SIK2: variants seen among roughly 807,000 people sequenced by gnomAD.
The protein encoded by SIK2 is salt inducible kinase 2.
A neutral mutation model predicts 103.2 loss-of-function variants in SIK2; 29 were observed. That is an observed-to-expected ratio of 0.28 (90% CI 0.21 to 0.38). SIK2 has a LOEUF of 0.38. Among genes scored for constraint, SIK2 ranks in the 10% least tolerant of loss-of-function variants. The pLI, the probability that SIK2 is intolerant of heterozygous loss-of-function variation, is 1.00. For synonymous variants in SIK2, 412 were observed against 446.1 expected, an observed-to-expected ratio of 0.92 and a Z score of 0.96; for missense variants, 879 against 1,171.0, an observed-to-expected ratio of 0.75 and a Z score of 3.64.
At chr11:111,637,235 T>C (rs2135853081) in intron 3 of SIK2, among the ~76,000 whole-genome samples, 1 of 152,178 alleles carries the variant, frequency 6.6e-6, no homozygotes, top group African/African-American at 2.4e-5. Flanking sequence ...CATTTTAATA[T>C]CTATGAGTTT....
chr11:111,672,968 T>A (rs913892981), intron 3 of SIK2, among the ~76,000 whole-genome samples: 11 of 152,250 alleles, frequency 7.2e-5, no homozygotes, highest in African/African-American at 2.7e-4. Context: ...GCATCAGCAT[T>A]ACATGGAGTG....
chr11:111,721,967 C>T, intron 13 of SIK2, 27 bp downstream of exon 13: 1 of 1,491,254 alleles, frequency 6.7e-7, no homozygotes, highest in South Asian at 1.3e-5. Context: ...GCGAGTCCAC[C>T]TCACTCTGCT....
In SIK2 at chr11:111,701,004, C is replaced by T. The variant is rs771891490; in HGVS notation, c.597C>T (p.Asp199=). 5 of 1,613,808 alleles carry T rather than the reference C, an allele frequency of 3.1e-6. No individual in the cohort carries two copies. The highest frequency in any genetic ancestry group is 4.2e-6 in the Non-Finnish European group (5 of 1,179,786). The part of the protein sequence containing the change: ...EGQQYEGPQL[D]IWSMGVVLYV... ...AGCAGTATGAAGGACCACAGCTGGA[C>T]ATCTGGGTACTGCTTTGCTTTGCTG... Residue 199 remains aspartate, a synonymous_variant, in exon 5 of 15, where the codon GAC becomes GAT. Coordinates refer to ENST00000304987, the MANE Select transcript of SIK2 (RefSeq NM_015191.3). This position sits in a 1 kb window ranked among gnomAD's most constrained non-coding sequence, Gnocchi z 4.2.
rs1010074459 is a variant in SIK2, at chr11:111,672,202, C to T, written c.317-15799C>T. 7.5e-6 allele frequency: 3 copies of T among 399,466 alleles called. No homozygotes were observed. The East Asian group carries it at 1.9e-4, about 25-fold the overall frequency. 24.7% of individuals were successfully genotyped at this position (399,466 alleles called of 1,614,324 possible). Reference sequence around the variant, plus strand: ...GTTTACCATAATGGCTGTGATGCCCCCCCATACCACTGGCCTCAGCATAGC... The same window carrying T: ...GTTTACCATAATGGCTGTGATGCCCTCCCATACCACTGGCCTCAGCATAGC... On this transcript the variant is annotated intron_variant, in intron 3 of 14. Transcript: ENST00000304987.
In SIK2 at chr11:111,705,993, A is replaced by G. The variant is rs548174749; in HGVS notation, c.1101+854A>G. Among the ~76,000 whole-genome samples, 2 of 152,278 alleles carry G rather than the reference A, an allele frequency of 1.3e-5. No individual in the cohort carries two copies. Among genetic ancestry groups the G allele is most frequent in the Middle Eastern group, 3.4e-3 (1 of 292 alleles). The stretch of plus-strand genomic sequence containing the variant: ...AGGTAGACTCTGTATGAAGTTAGCA[A>G]TGGTTCGGAGAGGCAGCTCAGTGTG... On this transcript the variant is annotated intron_variant, in intron 8 of 14. Coordinates refer to ENST00000304987, the MANE Select transcript of SIK2 (RefSeq NM_015191.3). This position sits in a 1 kb window ranked among gnomAD's most constrained non-coding sequence, Gnocchi z 4.3.
At chr11:111,657,111 A>G (rs1942401579) in intron 3 of SIK2, among the ~76,000 whole-genome samples, 1 of 152,200 alleles carries the variant, frequency 6.6e-6, no homozygotes, top group African/African-American at 2.4e-5. Flanking sequence ...TTACATAACA[A>G]AGCTTAAAGA....
chr11:111,641,069 T>C (rs1942176724), intron 3 of SIK2, among the ~76,000 whole-genome samples: 1 of 152,196 alleles, frequency 6.6e-6, no homozygotes, highest in Non-Finnish European at 1.5e-5. Flanking sequence ...TCACCCTCTT[T>C]AACTTCACTG....
rs1942037368 is a variant in SIK2, at chr11:111,631,550, A to AT, written c.316+11149dup. Among the ~76,000 whole-genome samples, 3 of 152,284 alleles carry AT rather than the reference A, an allele frequency of 2.0e-5. No individual in the cohort carries two copies. In the South Asian group the frequency reaches 6.2e-4, roughly 32 times the overall value. On this transcript the variant is annotated intron_variant, in intron 3 of 14. Transcript: ENST00000304987. The stretch of plus-strand genomic sequence containing the variant: ...TGTGAGATCCAAGTTCAGGAGAGAG[A>AT]TAAGTGAAGCAACAAAAGGGCCTTA...
chr11:111,715,257 T>C (rs1591641513), intron 9 of SIK2, among the ~76,000 whole-genome samples: 4 of 152,320 alleles, frequency 2.6e-5, no homozygotes, highest in African/African-American at 9.6e-5. Context: ...GCAAAAACGC[T>C]TGTCCCTCTT....
chr11:111,724,502 T>C lies in SIK2; in HGVS notation c.*373T>C, dbSNP rs1263620702. Reference sequence around the variant, plus strand: ...AACCTTGGTGAAAGCAGAAAGGGTGTGTGCTATTGCATATATATGGGGGAA... The same window carrying C: ...AACCTTGGTGAAAGCAGAAAGGGTGCGTGCTATTGCATATATATGGGGGAA... On this transcript the variant is annotated 3_prime_UTR_variant, in exon 15 of 15. Coordinates refer to ENST00000304987, the MANE Select transcript of SIK2 (RefSeq NM_015191.3). The C allele has an allele frequency of 1.7e-5, 4 of 230,802 alleles. No individual in the cohort carries two copies. Among genetic ancestry groups the C allele is most frequent in the East Asian group, 2.0e-4 (2 of 10,012 alleles). The allele number at this position is 230,802 out of a possible 1,614,324, so 14.3% of individuals were successfully genotyped here. A position where few individuals can be genotyped will look rare whatever the true frequency, so the allele number is the denominator to read the frequency against.
rs375056031 is a variant in SIK2, at chr11:111,720,902, T to C, written c.1784T>C (p.Ile595Thr). ...RASDTSLTQG[I>T]VAFRQHLQNL... ...TGGTCTTGGTGCTTTCTTTCAGGAA[T>C]TGTAGCATTTAGACAACATCTTCAG... Residue 595 changes from isoleucine to threonine, a missense_variant, in exon 12 of 15, where the codon ATT (isoleucine) becomes ACT (threonine). By Grantham distance (89) the Ile-to-Thr change is moderately conservative. Around this residue, in one of 7 missense-constraint regions of SIK2, gnomAD observed 375 missense variants for 416.3 expected, o/e 0.90. Coordinates refer to ENST00000304987, the MANE Select transcript of SIK2 (RefSeq NM_015191.3). 1.7e-5 allele frequency: 27 copies of C among 1,613,250 alleles called. No homozygotes were observed. The highest frequency in any genetic ancestry group is 2.2e-5 in the Non-Finnish European group (26 of 1,179,782).
At chr11:111,616,395 A>C in intron 2 of SIK2, 36 bp downstream of exon 2, 1 of 1,125,890 alleles carries the variant, frequency 8.9e-7, no homozygotes, top group Non-Finnish European at 1.3e-6. Flanking sequence ...CATTCATTCC[A>C]CAAGATAGTT....
chr11:111,607,981 G>A (rs918717843), intron 1 of SIK2, among the ~76,000 whole-genome samples: 1 of 152,154 alleles, frequency 6.6e-6, no homozygotes, highest in African/African-American at 2.4e-5. Flanking sequence ...TTCACATGAT[G>A]ACATTTGATT....
intron 8 of SIK2, 49 bp from the exon 9 acceptor site, chr11:111,712,162 A>C: frequency 3.9e-6 from 6 of 1,536,934 alleles, no homozygotes; most frequent in Non-Finnish European, 5.3e-6. Flanking sequence ...GTGTATTTAT[A>C]GAGAAGGTAT....
At chr11:111,657,837 G>T (rs558899984) in intron 3 of SIK2, among the ~76,000 whole-genome samples, 1 of 152,206 alleles carries the variant, frequency 6.6e-6, no homozygotes, top group Admixed American at 6.5e-5. Flanking sequence ...AGTTCAGGTT[G>T]GCTAGAGCAA....
chr11:111,677,582 T>C (rs1430343645), intron 3 of SIK2, among the ~76,000 whole-genome samples: 2 of 92,306 alleles, frequency 2.2e-5, no homozygotes, highest in African/African-American at 8.5e-5. Flanking sequence ...AATGCCCAGC[T>C]AAAATTTTTT....
At chr11:111,686,550 G>T (rs921563234) in intron 3 of SIK2, among the ~76,000 whole-genome samples, 1 of 152,222 alleles carries the variant, frequency 6.6e-6, no homozygotes, top group African/African-American at 2.4e-5. Context: ...ATGTGTGCAG[G>T]TGACTGGGAA....
intron 3 of SIK2, among the ~76,000 whole-genome samples, chr11:111,633,225 A>T (rs1015399302): frequency 6.6e-6 from 1 of 152,128 alleles, no homozygotes; most frequent in African/African-American, 2.4e-5. Flanking sequence ...TTCTCAATTA[A>T]TTCTATCCAC....
At position 111,722,548 on chromosome 11, in the gene SIK2, C is replaced by T. The variant is rs1186524552; in HGVS notation, c.2056-117C>T. On this transcript the variant is annotated intron_variant, in intron 13 of 14. Transcript: ENST00000304987. The surrounding 1 kb of genome is among the most constrained non-coding windows in gnomAD (Gnocchi z 4.4). ...AGGGAGTAAATGTCAGTCCCTTCAC[C>T]CCGTGTGGATTCTGTAGAATGCAGT... 2.1e-6 allele frequency: 2 copies of T among 974,248 alleles called. No homozygotes were observed. Among genetic ancestry groups the T allele is most frequent in the African/African-American group, 3.3e-5 (2 of 61,406 alleles). The allele number at this position is 974,248 out of a possible 1,614,324, so 60.4% of individuals were successfully genotyped here. A position where few individuals can be genotyped will look rare whatever the true frequency, so the allele number is the denominator to read the frequency against.
Sources: gnomAD v4.1 joint callset for allele counts (sites outside exome capture counted in the v4.1 genomes callset) on GRCh38, gnomAD v4.1.1 for gene constraint, gnomAD v4.1.1 regional missense constraint, Gnocchi (gnomAD v3.1) non-coding constraint, MANE v1.5 for transcripts, NCBI Gene and HGNC (gene_info 2026-07-23, HGNC 2026-07-21) for gene names.